ERC2: variants seen among roughly 807,000 people sequenced by gnomAD.
ERC2 encodes the protein ERC protein 2.
In ERC2, 42 loss-of-function variants were observed where a neutral mutation model predicts 114.8. That is an observed-to-expected ratio of 0.37 (90% confidence interval 0.29 to 0.47). The LOEUF (loss-of-function observed/expected upper bound fraction) is 0.47, where lower values mean the gene tolerates loss of function less well. Among genes scored for constraint, ERC2 ranks in the 20% least tolerant of loss-of-function variants. The probability of loss-of-function intolerance (pLI) is 0.99; values close to 1 mark genes in which losing one functional copy is unlikely to be tolerated. For missense variants in ERC2, 939 were observed against 1,150.7 expected, an observed-to-expected ratio of 0.82 and a Z score of 2.66; for synonymous variants, 454 against 425.5, an observed-to-expected ratio of 1.07 and a Z score of -0.82.
Position 55,729,837 on chromosome 3 carries a change from CAAAAAAAAAAAAAA to C in ERC2, c.2712+4920_2712+4933del, listed in dbSNP as rs71096498. Reference sequence around the variant, plus strand: ...AGGGTAATGCAGTGAGACTCTATCGCAAAAAAAAAAAAAAAAAAAAAAAAAAAATTGTAAGCTAC... The same window carrying C: ...AGGGTAATGCAGTGAGACTCTATCGCAAAAAAAAAAAAAATTGTAAGCTAC... On this transcript the variant is annotated intron_variant, in intron 15 of 17. Coordinates refer to ENST00000288221, the MANE Select transcript of ERC2 (RefSeq NM_015576.3). Among the ~76,000 whole-genome samples the C allele has an allele frequency of 1.9e-4, 12 of 61,636 alleles. 1 individual carries two copies. The Admixed American group carries it at 3.1e-3, about 16-fold the overall frequency. 40.4% of individuals were successfully genotyped at this position (61,636 alleles called of 152,430 possible).
intron 2 of ERC2, 135 bp from the exon 3 acceptor site, chr3:56,296,570 C>T: frequency 2.3e-6 from 2 of 885,172 alleles, no homozygotes; most frequent in East Asian, 2.7e-5. Flanking sequence ...GCCATGAATT[C>T]CTCCACGGTG....
intron 10 of ERC2, among the ~76,000 whole-genome samples, chr3:55,996,477 T>C (rs2071519063): frequency 6.6e-6 from 1 of 152,222 alleles, no homozygotes; most frequent in Non-Finnish European, 1.5e-5. Flanking sequence ...GGTATCCGAT[T>C]CTGCTCAAAA....
intron 10 of ERC2, among the ~76,000 whole-genome samples, chr3:56,004,450 T>C (rs377367194): frequency 2.0e-5 from 3 of 152,054 alleles, no homozygotes; most frequent in South Asian, 2.1e-4. Flanking sequence ...GGAGTTCCTT[T>C]TCTGCCTATA....
intron 3 of ERC2, among the ~76,000 whole-genome samples, chr3:56,253,420 C>A (rs964983088): frequency 3.9e-5 from 6 of 152,186 alleles, no homozygotes; most frequent in Admixed American, 2.6e-4. Flanking sequence ...AGGAATTGCT[C>A]TCAACTTCTT....
intron 17 of ERC2, among the ~76,000 whole-genome samples, chr3:55,582,134 T>C (rs761972797): frequency 6.6e-6 from 1 of 152,216 alleles, no homozygotes; most frequent in Admixed American, 6.5e-5. Flanking sequence ...ACATGTCCCA[T>C]AGGAAGCAAT....
intron 12 of ERC2, among the ~76,000 whole-genome samples, chr3:55,973,379 G>A: frequency 6.6e-6 from 1 of 152,354 alleles, no homozygotes; most frequent in Admixed American, 6.5e-5. Flanking sequence ...ATATAGAGTA[G>A]TGGGAGGATG....
chr3:55,637,511 C>T (rs2060007360), intron 17 of ERC2, among the ~76,000 whole-genome samples: 1 of 152,150 alleles, frequency 6.6e-6, no homozygotes, highest in Non-Finnish European at 1.5e-5. Context: ...CAGAGACTGG[C>T]ATCCAGGCTG....
rs2052037610 is a variant in ERC2, at chr3:55,511,140, A to G, written c.*176T>C. On this transcript the variant is annotated 3_prime_UTR_variant, in exon 18 of 18. Transcript: ENST00000288221. ...CAAGTAGAACAGAATCACGCTCAATAAGGTAAGTGAAAACTCCCCTTCAGT... is the reference window on the plus strand; with the variant it reads ...CAAGTAGAACAGAATCACGCTCAATGAGGTAAGTGAAAACTCCCCTTCAGT... The G allele has an allele frequency of 6.6e-6, 1 of 152,592 alleles. No homozygotes were observed. The highest frequency in any genetic ancestry group is 1.5e-5 in the Non-Finnish European group (1 of 68,040). 9.5% of individuals were successfully genotyped at this position (152,592 alleles called of 1,614,324 possible). A position where few individuals can be genotyped will look rare whatever the true frequency, so the allele number is the denominator to read the frequency against.
intron 3 of ERC2, among the ~76,000 whole-genome samples, chr3:56,207,936 G>C (rs1474808130): frequency 1.3e-5 from 2 of 152,164 alleles, no homozygotes; most frequent in African/African-American, 4.8e-5. Context: ...GCCACTAGAT[G>C]AAATGGTGAT....
chr3:55,831,077 C>T (rs1373424235), intron 14 of ERC2, among the ~76,000 whole-genome samples: 1 of 148,546 alleles, frequency 6.7e-6, no homozygotes, highest in Non-Finnish European at 1.5e-5. Flanking sequence ...GAGGCCAAGA[C>T]AGGAAGGTTG....
At chr3:55,693,222 G>A (rs2062752976) in intron 16 of ERC2, among the ~76,000 whole-genome samples, 1 of 152,196 alleles carries the variant, frequency 6.6e-6, no homozygotes. Flanking sequence ...TCCATAGAAT[G>A]GACAGACACC....
At chr3:56,394,775 A>G (rs1283082238) in intron 2 of ERC2, among the ~76,000 whole-genome samples, 2 of 152,196 alleles carry the variant, frequency 1.3e-5, no homozygotes, top group African/African-American at 4.8e-5. Context: ...TGGAAATGTA[A>G]AAGGGTGCAG....
At chr3:56,095,281 A>G (rs565078525) in intron 6 of ERC2, among the ~76,000 whole-genome samples, 46 of 152,232 alleles carry the variant, frequency 3.0e-4, no homozygotes, top group Admixed American at 1.7e-3. Context: ...AAAAGAAAAT[A>G]TGGGGGCCCT....
At chr3:56,386,556 G>T (rs2059940382) in intron 2 of ERC2, among the ~76,000 whole-genome samples, 1 of 152,120 alleles carries the variant, frequency 6.6e-6, no homozygotes, top group East Asian at 1.9e-4. Flanking sequence ...GTCTTATGGG[G>T]TTGTTTTTGT....
intron 12 of ERC2, among the ~76,000 whole-genome samples, chr3:55,968,080 T>C (rs1352008694): frequency 6.6e-6 from 1 of 152,218 alleles, no homozygotes; most frequent in Non-Finnish European, 1.5e-5. Context: ...TGTTGTTTCA[T>C]AGTGAACTCA....
intron 15 of ERC2, among the ~76,000 whole-genome samples, chr3:55,718,593 G>A (rs1023680210): frequency 7.2e-5 from 11 of 152,176 alleles, no homozygotes; most frequent in South Asian, 2.1e-4. Context: ...AAAGGAATGT[G>A]GAATGCCTGA....
chr3:55,602,630 G>A (rs372427927), intron 17 of ERC2, among the ~76,000 whole-genome samples: 2 of 152,098 alleles, frequency 1.3e-5, no homozygotes, highest in East Asian at 3.9e-4. Flanking sequence ...AGCCTCTGTG[G>A]GCAGAACCCT....
intron 13 of ERC2, among the ~76,000 whole-genome samples, chr3:55,937,584 AG>A (rs1159210727): frequency 6.6e-6 from 1 of 152,156 alleles, no homozygotes; most frequent in Non-Finnish European, 1.5e-5. Context: ...AAGCACCTCC[AG>A]GGGGGTCACT....
At chr3:55,943,458 GT>G (rs143036716) in intron 13 of ERC2, among the ~76,000 whole-genome samples, 5 of 149,530 alleles carry the variant, frequency 3.3e-5, no homozygotes, top group Non-Finnish European at 5.9e-5. Flanking sequence ...CTGAGGAAGC[GT>G]TTTTTTTTTC....
Sources: allele counts gnomAD v4.1 joint callset (sites outside exome capture counted in the v4.1 genomes callset), GRCh38; gene constraint gnomAD v4.1.1; transcripts MANE v1.5; gene names NCBI Gene and HGNC (gene_info 2026-07-23, HGNC 2026-07-21).